C2orf92: variants seen among roughly 807,000 people sequenced by gnomAD.
C2orf92 encodes the protein uncharacterized protein C2orf92.
chr2:97,670,547 C>T (rs1675381566), intron 1 of C2orf92: 1 of 151,760 alleles, frequency 6.6e-6, no homozygotes, highest in African/African-American at 2.4e-5. Flanking sequence ...AAAATTCACC[C>T]TTTATTTTAT....
At chr2:97,677,055 G>C (rs1675607483) in intron 3 of C2orf92, among the ~76,000 whole-genome samples, 2 of 152,210 alleles carry the variant, frequency 1.3e-5, no homozygotes, top group Non-Finnish European at 2.9e-5. Context: ...TAGAACACTT[G>C]CAGTGTCCAA....
intron 3 of C2orf92, among the ~76,000 whole-genome samples, chr2:97,681,500 A>G (rs1675773461): frequency 6.6e-6 from 1 of 152,228 alleles, no homozygotes; most frequent in South Asian, 2.1e-4. Flanking sequence ...AGTGCAAATT[A>G]AACACAACAT....
Position 97,690,616 on chromosome 2 carries a change from C to T in C2orf92, c.403+289C>T, listed in dbSNP as rs558675069. 3.3e-5 allele frequency among the ~76,000 whole-genome samples: 5 copies of T among 152,146 alleles called. No individual in the cohort carries two copies. In the East Asian group the frequency reaches 7.8e-4, roughly 24 times the overall value. Reference sequence around the variant, plus strand: ...CAGTATGGTCTCGATCTCCTGACCTCGTGATCCACCTGCCTTGGCCTCCCA... The same window carrying T: ...CAGTATGGTCTCGATCTCCTGACCTTGTGATCCACCTGCCTTGGCCTCCCA... On this transcript the variant is annotated intron_variant, in intron 5 of 7. Coordinates refer to ENST00000627399, the MANE Select transcript of C2orf92 (RefSeq NM_001351368.2).
chr2:97,699,490 T>C (rs747593320), intron 6 of C2orf92, among the ~76,000 whole-genome samples: 11 of 152,080 alleles, frequency 7.2e-5, no homozygotes, highest in Non-Finnish European at 1.3e-4. Flanking sequence ...TAATCGCAGC[T>C]ACTCGGGAGG....
intron 5 of C2orf92, among the ~76,000 whole-genome samples, chr2:97,697,084 T>C (rs535714575): frequency 6.6e-6 from 1 of 152,162 alleles, no homozygotes; most frequent in Non-Finnish European, 1.5e-5. Context: ...ACATGCTTGA[T>C]TGGCAGCTTG....
At chr2:97,698,923 C>T (rs1676403416) in intron 5 of C2orf92, 103 bp from the exon 6 acceptor site, 2 of 395,956 alleles carry the variant, frequency 5.1e-6, no homozygotes, top group Non-Finnish European at 4.4e-6. Context: ...CAAGTCCTCC[C>T]TAACTCCTCA....
At chr2:97,670,335 T>C (rs891986343) in intron 1 of C2orf92, 3 of 151,892 alleles carry the variant, frequency 2.0e-5, no homozygotes, top group African/African-American at 7.3e-5. Context: ...GTATAAAAAA[T>C]TTTAAAATTA....
At chr2:97,699,167 A>G (rs1676411472) in intron 6 of C2orf92, 31 bp downstream of exon 6, 1 of 398,542 alleles carries the variant, frequency 2.5e-6, no homozygotes, top group East Asian at 3.6e-5. Flanking sequence ...TAAACTAAGT[A>G]TGATGCTTAA....
chr2:97,663,954 C>A, upstream of C2orf92: 1 of 187,460 alleles, frequency 5.3e-6, no homozygotes. Flanking sequence ...GGCGGGCGGG[C>A]GGGAGGACCG....
intron 3 of C2orf92, among the ~76,000 whole-genome samples, chr2:97,679,645 C>G (rs543790776): frequency 5.3e-5 from 8 of 151,692 alleles, no homozygotes; most frequent in African/African-American, 1.9e-4. Flanking sequence ...AGTTTGAAAC[C>G]AGCCTGGCCA....
Position 97,690,252 on chromosome 2 carries a change from A to G in C2orf92, c.332-4A>G. The G allele has an allele frequency of 5.0e-6, 2 of 399,014 alleles. No individual in the cohort carries two copies. The highest frequency in any genetic ancestry group is 8.8e-6 in the Non-Finnish European group (2 of 226,042). 24.7% of individuals were successfully genotyped at this position (399,014 alleles called of 1,614,324 possible). The stretch of plus-strand genomic sequence containing the variant: ...TTGTTTTTTATTCATGTGTCTTATC[A>G]AAGGAACCAGCATTGCTTGGAATTC... On this transcript the variant is annotated splice_polypyrimidine_tract_variant and splice_region_variant and intron_variant, in intron 4 of 7. Coordinates refer to ENST00000627399, the MANE Select transcript of C2orf92 (RefSeq NM_001351368.2).
intron 2 of C2orf92, among the ~76,000 whole-genome samples, chr2:97,675,173 T>G (rs538845334): frequency 6.6e-6 from 1 of 152,316 alleles, no homozygotes; most frequent in South Asian, 2.1e-4. Context: ...CCTTGTAAGG[T>G]GGACATCATG....
chr2:97,667,103 C>T (rs1675255884), upstream of C2orf92: 1 of 152,080 alleles, frequency 6.6e-6, no homozygotes, highest in Admixed American at 6.5e-5. Flanking sequence ...AAATAGATCA[C>T]TGTGTAGCCA....
upstream of C2orf92, chr2:97,663,993 G>A: frequency 1.5e-6 from 1 of 677,440 alleles, no homozygotes; most frequent in Non-Finnish European, 2.0e-6. Context: ...ACGCGGCGCC[G>A]CTGCCCTCCC....
chr2:97,673,089 A>G (rs1424180772), intron 1 of C2orf92, among the ~76,000 whole-genome samples: 1 of 152,220 alleles, frequency 6.6e-6, no homozygotes, highest in Admixed American at 6.5e-5. Flanking sequence ...CCGAGCTTAT[A>G]GAATCTATTC....
chr2:97,666,228 T>C (rs1219352786), upstream of C2orf92, among the ~76,000 whole-genome samples: 1 of 151,236 alleles, frequency 6.6e-6, no homozygotes, highest in African/African-American at 2.4e-5. Flanking sequence ...GCAAGGAATG[T>C]GCCTTGCTAG....
chr2:97,700,172 G>A (rs546039771), intron 6 of C2orf92, among the ~76,000 whole-genome samples: 1 of 152,152 alleles, frequency 6.6e-6, no homozygotes, highest in Non-Finnish European at 1.5e-5. Flanking sequence ...AGACTGCCGC[G>A]TTTTCCCCAG....
At chr2:97,666,645 C>A (rs992004406), upstream of C2orf92, among the ~76,000 whole-genome samples, 1 of 151,394 alleles carries the variant, frequency 6.6e-6, no homozygotes, top group Non-Finnish European at 1.5e-5. Flanking sequence ...GAATTTGAGA[C>A]CAGCCTGGAC....
chr2:97,692,336 T>C (rs1037755593), intron 5 of C2orf92, among the ~76,000 whole-genome samples: 11 of 152,098 alleles, frequency 7.2e-5, no homozygotes, highest in Non-Finnish European at 1.6e-4. Flanking sequence ...AGGCTTGATT[T>C]TTATATATTA....
Sources: allele counts gnomAD v4.1 joint callset (sites outside exome capture counted in the v4.1 genomes callset), GRCh38; gene constraint gnomAD v4.1.1; transcripts MANE v1.5; gene names NCBI Gene and HGNC (gene_info 2026-07-23, HGNC 2026-07-21).